FGFR4: variants seen among roughly 807,000 people sequenced by gnomAD.
The protein encoded by FGFR4 is fibroblast growth factor receptor 4, also known as hydroxyaryl-protein kinase.
A neutral mutation model predicts 89.9 loss-of-function variants in FGFR4; 63 were observed. The observed-to-expected ratio is 0.70, with a 90% confidence interval of 0.57 to 0.86. The LOEUF (loss-of-function observed/expected upper bound fraction) is 0.86, where lower values mean the gene tolerates loss of function less well. FGFR4 is among the 40% of genes least tolerant of loss of function. FGFR4 has a pLI of 0.00. For missense variants in FGFR4, 928 were observed against 1,106.7 expected, an observed-to-expected ratio of 0.84 and a Z score of 2.29; for synonymous variants, 486 against 479.4, an observed-to-expected ratio of 1.01 and a Z score of -0.18.
Position 177,097,772 on chromosome 5 carries a change from G to C in FGFR4, c.*96G>C. 1 of 1,470,544 alleles carries C rather than the reference G, an allele frequency of 6.8e-7. No individual in the cohort carries two copies. 91.1% of individuals were successfully genotyped at this position (1,470,544 alleles called of 1,614,324 possible). On this transcript the variant is annotated 3_prime_UTR_variant, in exon 18 of 18. Coordinates refer to ENST00000292408, the MANE Select transcript of FGFR4 (RefSeq NM_213647.3). ...CAGTGCTCGACCTTGATAGCATGGGGCCCCTGGCCCAGAGTTGCTGTGCCG... is the reference window on the plus strand; with the variant it reads ...CAGTGCTCGACCTTGATAGCATGGGCCCCCTGGCCCAGAGTTGCTGTGCCG...
intron 1 of FGFR4, among the ~76,000 whole-genome samples, chr5:177,088,861 G>A (rs2083545620): frequency 1.5e-5 from 1 of 65,802 alleles, no homozygotes; most frequent in African/African-American, 4.3e-5. Flanking sequence ...AGTCCTATGA[G>A]GATAGTAAGC....
In FGFR4 at chr5:177,095,720, G is replaced by A. The variant is rs891882138; in HGVS notation, c.1818G>A (p.Arg606=). 7 of 1,600,896 alleles carry A rather than the reference G, an allele frequency of 4.4e-6. No homozygotes were observed. The African/African-American group carries it at 5.4e-5, about 12-fold the overall frequency. ...VARGMQYLES[R]KCIHRDLAAR... is the part of the protein sequence containing the mutation. ...GAGGCATGCAGTATCTGGAGTCCCG[G>A]AAGGTACAGGCGCTAGGGCTCTGAG... The change falls in exon 13 of 18, where the codon CGG becomes CGA. Residue 606 remains arginine, a synonymous_variant. Transcript: ENST00000292408. The surrounding 1 kb of genome is among the most constrained non-coding windows in gnomAD (Gnocchi z 5.7).
intron 6 of FGFR4, 113 bp downstream of exon 6, chr5:177,091,921 G>T (rs1027991983): frequency 5.0e-6 from 7 of 1,400,180 alleles, no homozygotes; most frequent in Admixed American, 3.8e-5. Flanking sequence ...CAGGCAGCTT[G>T]GTGAGCAGGT....
chr5:177,090,290 C>T lies in FGFR4; in HGVS notation c.92-100C>T, dbSNP rs774985467. ...GTGGTGGCTCCTTCAGCATGCGTTG[C>T]AAAGTGCTTGTGCCCTGCATGTGCG... On this transcript the variant is annotated intron_variant, in intron 2 of 17. Transcript: ENST00000292408. 504 of 1,560,400 alleles carry T rather than the reference C, an allele frequency of 3.2e-4. 1 individual carries two copies. Among genetic ancestry groups the T allele is most frequent in the Middle Eastern group, 8.3e-4 (5 of 6,006 alleles).
intron 13 of FGFR4, 24 bp from the exon 14 acceptor site, chr5:177,096,033 C>T (rs759872804): frequency 1.1e-5 from 17 of 1,606,704 alleles, no homozygotes; most frequent in South Asian, 6.7e-5. Flanking sequence ...TGTCCTGAGG[C>T]ACCCAAGCCC....
chr5:177,095,060 C>T lies in FGFR4; in HGVS notation c.1520-270C>T, dbSNP rs755752958. On this transcript the variant is annotated intron_variant, in intron 11 of 17. Transcript: ENST00000292408. This position sits in a 1 kb window ranked among gnomAD's most constrained non-coding sequence, Gnocchi z 5.7. ...CTCTCTCCTGTGTCCTGGGCCTGCC[C>T]GCTGGAAGGCCTGCCTCTTAGATCC... is the stretch of plus-strand genomic sequence containing the variant. The T allele has an allele frequency of 3.5e-5, 16 of 453,446 alleles. No homozygotes were observed. In the East Asian group the frequency reaches 5.4e-4, roughly 15 times the overall value. 28.1% of individuals were successfully genotyped at this position (453,446 alleles called of 1,614,324 possible).
rs2149733680 is a variant in FGFR4, at chr5:177,092,363, C to G, written c.770C>G (p.Ala257Gly). Reference protein sequence around the residue: ...HRPILQAGLPANTTAVVGSDV... With the variant: ...HRPILQAGLPGNTTAVVGSDV... ...CCCATCCTGCAGGCCGGGCTCCCGG[C>G]CAACACCACAGCCGTGGTGGGCAGC... Residue 257 changes from alanine (A) to glycine (G), a missense_variant, in exon 7 of 18, where the codon GCC becomes GGC. Ala to Gly is a moderately conservative substitution (Grantham distance 60, BLOSUM62 0). Coordinates refer to ENST00000292408, the MANE Select transcript of FGFR4 (RefSeq NM_213647.3). The G allele has an allele frequency of 6.2e-7, 1 of 1,601,818 alleles. No individual in the cohort carries two copies. Among genetic ancestry groups the G allele is most frequent in the Non-Finnish European group, 8.5e-7 (1 of 1,171,390 alleles).
rs1237566639 is a variant in FGFR4 at position 177,096,125 on chromosome 5, C to T, written c.1890C>T (p.Asp630=). The change falls in exon 14 of 18, where the codon GAC becomes GAT. Residue 630 remains aspartate, a synonymous_variant. Transcript: ENST00000292408. The part of the protein sequence containing the change: ...VTEDNVMKIA[D]FGLARGVHHI... ...AGGACAATGTGATGAAGATTGCTGA[C>T]TTTGGGCTGGCCCGCGGCGTCCACC... The T allele has an allele frequency of 1.9e-6, 3 of 1,614,072 alleles. No homozygotes were observed. In the African/African-American group the frequency reaches 4.0e-5, roughly 22 times the overall value.
At chr5:177,088,522 A>C (rs1442383186) in intron 1 of FGFR4, 2 of 184,966 alleles carry the variant, frequency 1.1e-5, no homozygotes, top group Non-Finnish European at 2.3e-5. Flanking sequence ...GAGGTGTGAT[A>C]GGCTTCCCAC....
rs1157583411 is a variant in FGFR4, at chr5:177,087,200, G to T, written c.-54+123G>T. 1.4e-4 allele frequency: 22 copies of T among 152,040 alleles called. No individual in the cohort carries two copies. The highest frequency in any genetic ancestry group is 1.4e-3 in the Admixed American group (22 of 15,276). The allele number at this position is 152,040 out of a possible 1,614,324, so 9.4% of individuals were successfully genotyped here. A position where few individuals can be genotyped will look rare whatever the true frequency, so the allele number is the denominator to read the frequency against. ...CTGGGCGTCCGCCGGGCGGCAGGGG[G>T]TGGAGGGGGCGGTAAATCAGTAACC... On this transcript the variant is annotated intron_variant, in intron 1 of 17. Transcript: ENST00000292408. This position sits in a 1 kb window ranked among gnomAD's most constrained non-coding sequence, Gnocchi z 6.1.
intron 17 of FGFR4, 41 bp downstream of exon 17, chr5:177,097,438 C>T (rs775531357): frequency 3.1e-6 from 5 of 1,605,088 alleles, no homozygotes; most frequent in African/African-American, 1.3e-5. Flanking sequence ...TGCCTGCTCC[C>T]CTCCAGGCCT....
intron 2 of FGFR4, chr5:177,089,974 G>A (rs1171618792): frequency 5.9e-6 from 4 of 678,122 alleles, no homozygotes; most frequent in African/African-American, 5.3e-5. Flanking sequence ...GTGCGTGTGT[G>A]TGTGTGTTCT....
Position 177,090,514 on chromosome 5 carries a change from C to T in FGFR4, c.216C>T (p.Arg72=), listed in dbSNP as rs780502785. Residue 72 remains arginine, a synonymous_variant, in exon 3 of 18, where the codon CGC becomes CGT. Coordinates refer to ENST00000292408, the MANE Select transcript of FGFR4 (RefSeq NM_213647.3). ...GCCACTGGTACAAGGAGGGCAGTCG[C>T]CTGGCACCTGCTGGCCGTGTACGGG... ...RGGHWYKEGS[R]LAPAGRVRGW... 3.8e-6 allele frequency: 6 copies of T among 1,563,692 alleles called. No individual in the cohort carries two copies. Among genetic ancestry groups the T allele is most frequent in the South Asian group, 1.2e-5 (1 of 82,348 alleles).
In FGFR4 at chr5:177,095,277, C is replaced by T. The variant is rs2149737480; in HGVS notation, c.1520-53C>T. 6.9e-7 allele frequency: 1 copy of T among 1,448,414 alleles called. No homozygotes were observed. Among genetic ancestry groups the T allele is most frequent in the South Asian group, 1.1e-5 (1 of 87,450 alleles). 89.7% of individuals were successfully genotyped at this position (1,448,414 alleles called of 1,614,324 possible). The stretch of plus-strand genomic sequence containing the variant: ...CTTGTCCTGCACCTGCCTCTGCATG[C>T]TCCCTCGTGCAGTTGGAGGGCAGCC... On this transcript the variant is annotated intron_variant, in intron 11 of 17. Coordinates refer to ENST00000292408, the MANE Select transcript of FGFR4 (RefSeq NM_213647.3). The surrounding 1 kb of genome is among the most constrained non-coding windows in gnomAD (Gnocchi z 5.7).
At chr5:177,096,489 C>T (rs1784567581) in intron 15 of FGFR4, 115 bp from the exon 16 acceptor site, 1 of 1,526,692 alleles carries the variant, frequency 6.6e-7, no homozygotes, top group Non-Finnish European at 8.9e-7. Flanking sequence ...GGCCCAGACT[C>T]CAGGAGGAGC....
rs543088991 is a variant in FGFR4, at chr5:177,093,914, T to A, written c.1519+139T>A. The A allele has an allele frequency of 1.7e-5, 17 of 1,022,576 alleles. No homozygotes were observed. The highest frequency in any genetic ancestry group is 1.9e-5 in the Non-Finnish European group (14 of 726,196). The allele number at this position is 1,022,576 out of a possible 1,614,324, so 63.3% of individuals were successfully genotyped here. On this transcript the variant is annotated intron_variant, in intron 11 of 17. Transcript: ENST00000292408. The surrounding 1 kb of genome is among the most constrained non-coding windows in gnomAD (Gnocchi z 5.8). ...AGACTTCATCTCTACAAAAAAAAAA[T>A]AAGAAAATTAGTTGGGTGTGGTGGT...
At chr5:177,096,531 T>A (rs1784569745) in intron 15 of FGFR4, 73 bp from the exon 16 acceptor site, 1 of 1,584,892 alleles carries the variant, frequency 6.3e-7, no homozygotes, top group African/African-American at 1.3e-5. Flanking sequence ...GGGTCATGTC[T>A]GTGGGGTCCC....
At position 177,087,564 on chromosome 5, in the gene FGFR4, G is replaced by C. The variant is rs1234943744; in HGVS notation, c.-54+487G>C. On this transcript the variant is annotated intron_variant, in intron 1 of 17. Coordinates refer to ENST00000292408, the MANE Select transcript of FGFR4 (RefSeq NM_213647.3). The surrounding 1 kb of genome is among the most constrained non-coding windows in gnomAD (Gnocchi z 6.1). ...TAAGGCAGGCCCTCCATTCCCACGTGGGGGGTGGTCGGTCAGCGGTCAGCA... is the reference window on the plus strand; with the variant it reads ...TAAGGCAGGCCCTCCATTCCCACGTCGGGGGTGGTCGGTCAGCGGTCAGCA... 37 of 984,846 alleles carry C rather than the reference G, an allele frequency of 3.8e-5. No individual in the cohort carries two copies. Among genetic ancestry groups the C allele is most frequent in the Admixed American group, 6.1e-5 (1 of 16,268 alleles). The allele number at this position is 984,846 out of a possible 1,614,324, so 61.0% of individuals were successfully genotyped here. A position where few individuals can be genotyped will look rare whatever the true frequency, so the allele number is the denominator to read the frequency against.
rs148292303 is a variant in FGFR4 at position 177,092,377 on chromosome 5, G to A, written c.784G>A (p.Val262Met). 4.1e-5 allele frequency: 66 copies of A among 1,606,954 alleles called. No individual in the cohort carries two copies. The highest frequency in any genetic ancestry group is 1.7e-4 in the Middle Eastern group (1 of 6,058). The change falls in exon 7 of 18, where the codon GTG becomes ATG. Residue 262 changes from valine (V) to methionine (M), a missense_variant. This residue lies in a region of FGFR4 where 741 missense variants were observed against 836.9 expected (regional missense o/e 0.89). Coordinates refer to ENST00000292408, the MANE Select transcript of FGFR4 (RefSeq NM_213647.3). ...QAGLPANTTAVVGSDVELLCK... is the reference protein window; with the variant it reads ...QAGLPANTTAMVGSDVELLCK... ...CGGGCTCCCGGCCAACACCACAGCC[G>A]TGGTGGGCAGCGACGTGGAGCTGCT...
Sources: gnomAD v4.1 joint callset for allele counts (sites outside exome capture counted in the v4.1 genomes callset) on GRCh38, gnomAD v4.1.1 for gene constraint, gnomAD v4.1.1 regional missense constraint, Gnocchi (gnomAD v3.1) non-coding constraint, MANE v1.5 for transcripts, NCBI Gene and HGNC (gene_info 2026-07-23, HGNC 2026-07-21) for gene names.